Variants in GPR6 observed in about 807,000 individuals in gnomAD.
The protein encoded by GPR6 is G protein-coupled receptor 6.
GPR6 carries 14 observed loss-of-function variants against 18.5 expected under a neutral mutation model. That is an observed-to-expected ratio of 0.76 (90% confidence interval 0.50 to 1.18). The LOEUF (loss-of-function observed/expected upper bound fraction) is 1.18. GPR6 is among the 50% of genes most tolerant of loss of function. GPR6 has a pLI of 0.00. For missense variants in GPR6, 477 were observed against 495.9 expected (o/e 0.96, Z 0.36); for synonymous variants, 299 against 240.9 (o/e 1.24, Z -2.23).
chr6:109,980,001 A>G lies in GPR6; in HGVS notation c.889A>G (p.Ile297Val), dbSNP rs1208974085. 3 of 1,613,416 alleles carry G rather than the reference A, an allele frequency of 1.9e-6. No homozygotes were observed. The highest frequency in any genetic ancestry group is 2.2e-5 in the South Asian group (2 of 91,084). The part of the protein sequence containing the change: ...TFGASWLPFA[I>V]YCVVGSHEDP... Reference sequence around the variant, plus strand: ...CGGCGCCAGCTGGCTGCCCTTCGCCATCTATTGCGTGGTGGGCAGCCATGA... The same window carrying G: ...CGGCGCCAGCTGGCTGCCCTTCGCCGTCTATTGCGTGGTGGGCAGCCATGA... The change falls in exon 2 of 2, where the codon ATC becomes GTC. Residue 297 changes from isoleucine (I) to valine (V), a missense_variant. Physicochemically the swap from Ile to Val is conservative, Grantham distance 29. Coordinates refer to ENST00000275169, the MANE Select transcript of GPR6 (RefSeq NM_005284.5).
Position 109,980,275 on chromosome 6 carries a change from A to C in GPR6, c.*74A>C. ...CCTTTGGTAAGCTCGGTGCCTGCTG[A>C]CGAACTCTGAGATCCCAATGGTGTG... On this transcript the variant is annotated 3_prime_UTR_variant, in exon 2 of 2. Coordinates refer to ENST00000275169, the MANE Select transcript of GPR6 (RefSeq NM_005284.5). The C allele has an allele frequency of 6.3e-7, 1 of 1,584,424 alleles. No homozygotes were observed. The highest frequency in any genetic ancestry group is 8.6e-7 in the Non-Finnish European group (1 of 1,163,852).
In GPR6 at chr6:109,979,669, AC is replaced by A. The variant is rs1771037491; in HGVS notation, c.559del (p.Leu187SerfsTer11). The A allele has an allele frequency of 1.2e-6, 2 of 1,610,558 alleles. No individual in the cohort carries two copies. Among genetic ancestry groups the A allele is most frequent in the Admixed American group, 3.3e-5 (2 of 59,962 alleles). ...YYSRRTLLGV[H>X]LLLAATWTVS... Reference sequence around the variant, plus strand: ...TCGCGCCGGACCCTGTTGGGCGTGCACCTCCTGCTTGCCGCCACTTGGACCG... The same window carrying A: ...TCGCGCCGGACCCTGTTGGGCGTGCACTCCTGCTTGCCGCCACTTGGACCG... On this transcript the variant is annotated frameshift_variant, in exon 2 of 2. Transcript: ENST00000275169. LOFTEE classifies it high-confidence loss of function.
In GPR6 at chr6:109,979,766, G is replaced by A. The variant is rs1247678748; in HGVS notation, c.654G>A (p.Val218=). The change falls in exon 2 of 2, where the codon GTG becomes GTA. Residue 218 remains valine (V), a synonymous_variant. Transcript: ENST00000275169. ...NCLAERAACS[V]VRPLARSHVA... ...TGGCAGAGCGCGCCGCCTGCAGCGTGGTGCGCCCGCTGGCGCGCAGCCACG... is the reference window on the plus strand; with the variant it reads ...TGGCAGAGCGCGCCGCCTGCAGCGTAGTGCGCCCGCTGGCGCGCAGCCACG... The A allele has an allele frequency of 6.3e-7, 1 of 1,599,174 alleles. No homozygotes were observed. The highest frequency in any genetic ancestry group is 8.5e-7 in the Non-Finnish European group (1 of 1,177,152).
chr6:109,978,673 T>C (rs1770998759), intron 1 of GPR6: 4 of 1,451,078 alleles, frequency 2.8e-6, no homozygotes, highest in Non-Finnish European at 3.7e-6. Flanking sequence ...GGCTTCGCAA[T>C]GCCAGAAACT....
chr6:109,980,054 C>G lies in GPR6; in HGVS notation c.942C>G (p.Thr314=), dbSNP rs149642685. 2.9e-5 allele frequency: 46 copies of G among 1,614,012 alleles called. No homozygotes were observed. The highest frequency in any genetic ancestry group is 3.8e-5 in the Non-Finnish European group (45 of 1,180,056). Residue 314 remains threonine (T), a synonymous_variant, in exon 2 of 2, where the codon ACC becomes ACG. Coordinates refer to ENST00000275169, the MANE Select transcript of GPR6 (RefSeq NM_005284.5). ...ACCCGGCGGTCTACACTTACGCCACCCTGCTGCCCGCCACCTACAACTCCA... is the reference window on the plus strand; with the variant it reads ...ACCCGGCGGTCTACACTTACGCCACGCTGCTGCCCGCCACCTACAACTCCA... The part of the protein sequence containing the change: ...HEDPAVYTYA[T]LLPATYNSMI...
At chr6:109,979,032 C>T (rs546597902) in intron 1 of GPR6, 63 bp from the exon 2 acceptor site, 2 of 1,536,522 alleles carry the variant, frequency 1.3e-6, no homozygotes, top group East Asian at 2.3e-5. Flanking sequence ...AGGCTCTACG[C>T]GTGGGGAAGT....
Position 109,980,101 on chromosome 6 carries a change from C to G in GPR6, c.989C>G (p.Ala330Gly), listed in dbSNP as rs775565402. 7 of 1,614,236 alleles carry G rather than the reference C, an allele frequency of 4.3e-6. No homozygotes were observed. The Admixed American group carries it at 1.2e-4, about 27-fold the overall frequency. Residue 330 changes from alanine to glycine, a missense_variant, in exon 2 of 2, where the codon GCC becomes GGC. Coordinates refer to ENST00000275169, the MANE Select transcript of GPR6 (RefSeq NM_005284.5). The part of the protein sequence containing the change: ...YNSMINPIIY[A>G]FRNQEIQRAL... ...TCCATGATCAATCCCATCATCTATG[C>G]CTTCCGCAACCAGGAGATCCAGCGC...
chr6:109,979,313 C>T lies in GPR6; in HGVS notation c.201C>T (p.Leu67=), dbSNP rs779641335. The stretch of plus-strand genomic sequence containing the variant: ...AGCTGTCGGCTGGGCCACCGGGACT[C>T]CTGCTGCCAGCGGTGAATCCGTGGG... ...SSQLSAGPPG[L]LLPAVNPWDV... The change falls in exon 2 of 2, where the codon CTC becomes CTT. Residue 67 remains leucine (L), a synonymous_variant. Coordinates refer to ENST00000275169, the MANE Select transcript of GPR6 (RefSeq NM_005284.5). 6.2e-7 allele frequency: 1 copy of T among 1,613,576 alleles called. No homozygotes were observed. Among genetic ancestry groups the T allele is most frequent in the Non-Finnish European group, 8.5e-7 (1 of 1,179,896 alleles).
Position 109,980,401 on chromosome 6 carries a change from T to C in GPR6, c.*200T>C, listed in dbSNP as rs1771062716. The C allele has an allele frequency of 1.6e-6, 1 of 633,352 alleles. No individual in the cohort carries two copies. The highest frequency in any genetic ancestry group is 2.7e-6 in the Non-Finnish European group (1 of 368,306). 39.2% of individuals were successfully genotyped at this position (633,352 alleles called of 1,614,324 possible). ...TTTACATATACAGTGTATACATGTG[T>C]ACATATATATACAAATATTTGTATC... is the stretch of plus-strand genomic sequence containing the variant. On this transcript the variant is annotated 3_prime_UTR_variant, in exon 2 of 2. Transcript: ENST00000275169.
rs757887770 is a variant in GPR6 at position 109,979,385 on chromosome 6, G to T, written c.273G>T (p.Ala91=). 3.7e-6 allele frequency: 6 copies of T among 1,613,748 alleles called. No homozygotes were observed. The South Asian group carries it at 5.5e-5, about 15-fold the overall frequency. ...GGACAGTGATCGCTGGAGAAAACGC[G>T]CTGGTGGTGGCGCTCATCGCGTCCA... is the stretch of plus-strand genomic sequence containing the variant. ...VSGTVIAGEN[A]LVVALIASTP... Residue 91 remains alanine, a synonymous_variant, in exon 2 of 2, where the codon GCG becomes GCT. Coordinates refer to ENST00000275169, the MANE Select transcript of GPR6 (RefSeq NM_005284.5).
rs375941891 is a variant in GPR6, at chr6:109,979,095, G to C, written c.-18G>C. The C allele has an allele frequency of 4.7e-5, 73 of 1,565,474 alleles. No individual in the cohort carries two copies. The African/African-American group carries it at 9.0e-4, about 19-fold the overall frequency. On this transcript the variant is annotated splice_region_variant and 5_prime_UTR_variant, in exon 2 of 2. Transcript: ENST00000275169. ...ACGCCTGCACTCCCTCCCTATGCAG[G>C]GTGCAAATCCGGCCGCGATGAACGC...
At position 109,979,748 on chromosome 6, in the gene GPR6, G is replaced by A. The variant is rs750172240; in HGVS notation, c.636G>A (p.Glu212=). Reference sequence around the variant, plus strand: ...TGCTGGGCTGGAACTGCCTGGCAGAGCGCGCCGCCTGCAGCGTGGTGCGCC... The same window carrying A: ...TGCTGGGCTGGAACTGCCTGGCAGAACGCGCCGCCTGCAGCGTGGTGCGCC... ...LPVLGWNCLA[E]RAACSVVRPL... is the part of the protein sequence containing the mutation. The change falls in exon 2 of 2, where the codon GAG becomes GAA. Residue 212 remains glutamate (E), a synonymous_variant. Coordinates refer to ENST00000275169, the MANE Select transcript of GPR6 (RefSeq NM_005284.5). 1.2e-6 allele frequency: 2 copies of A among 1,601,460 alleles called. No individual in the cohort carries two copies. Among genetic ancestry groups the A allele is most frequent in the Non-Finnish European group, 1.7e-6 (2 of 1,178,020 alleles).
At position 109,979,389 on chromosome 6, in the gene GPR6, G is replaced by T. The variant is rs1369015301; in HGVS notation, c.277G>T (p.Val93Leu). The T allele has an allele frequency of 6.2e-7, 1 of 1,613,614 alleles. No individual in the cohort carries two copies. The highest frequency in any genetic ancestry group is 8.5e-7 in the Non-Finnish European group (1 of 1,179,986). Residue 93 changes from valine (V) to leucine (L), a missense_variant, in exon 2 of 2, where the codon GTG becomes TTG. Physicochemically the swap from Val to Leu is conservative, Grantham distance 32 (BLOSUM62 1). Coordinates refer to ENST00000275169, the MANE Select transcript of GPR6 (RefSeq NM_005284.5). ...GTVIAGENAL[V>L]VALIASTPAL... ...AGTGATCGCTGGAGAAAACGCGCTG[G>T]TGGTGGCGCTCATCGCGTCCACTCC...
In GPR6 at chr6:109,979,444, T is replaced by C. The variant is rs1432354456; in HGVS notation, c.332T>C (p.Val111Ala). 1 of 1,613,374 alleles carries C rather than the reference T, an allele frequency of 6.2e-7. No homozygotes were observed. The highest frequency in any genetic ancestry group is 8.5e-7 in the Non-Finnish European group (1 of 1,179,994). The change falls in exon 2 of 2, where the codon GTA (valine) becomes GCA (alanine). Residue 111 changes from valine (V) to alanine (A), a missense_variant. By Grantham distance (64) the Val-to-Ala change is moderately conservative (BLOSUM62 0). Transcript: ENST00000275169. ...CTGCGCACGCCCATGTTCGTGCTGG[T>C]AGGCAGCCTGGCCACCGCTGACCTG... is the stretch of plus-strand genomic sequence containing the variant. ...PALRTPMFVLVGSLATADLLA... is the reference protein window; with the variant it reads ...PALRTPMFVLAGSLATADLLA...
Position 109,979,745 on chromosome 6 carries a change from A to T in GPR6, c.633A>T (p.Ala211=). ...CCGTGCTGGGCTGGAACTGCCTGGC[A>T]GAGCGCGCCGCCTGCAGCGTGGTGC... ...LLPVLGWNCL[A]ERAACSVVRP... The change falls in exon 2 of 2, where the codon GCA becomes GCT. Residue 211 remains alanine, a synonymous_variant. Transcript: ENST00000275169. The T allele has an allele frequency of 6.2e-7, 1 of 1,602,148 alleles. No individual in the cohort carries two copies. The highest frequency in any genetic ancestry group is 8.5e-7 in the Non-Finnish European group (1 of 1,178,244).
At position 109,980,511 on chromosome 6, in the gene GPR6, C is replaced by T. The variant is rs780107168; in HGVS notation, c.*310C>T. Reference sequence around the variant, plus strand: ...GGTTGTATACTCAAATTGTACATCACGTTTGTCAAACGAAGACATTCCAAT... The same window carrying T: ...GGTTGTATACTCAAATTGTACATCATGTTTGTCAAACGAAGACATTCCAAT... On this transcript the variant is annotated 3_prime_UTR_variant, in exon 2 of 2. Transcript: ENST00000275169. 2 of 375,118 alleles carry T rather than the reference C, an allele frequency of 5.3e-6. No homozygotes were observed. Among genetic ancestry groups the T allele is most frequent in the African/African-American group, 2.2e-5 (1 of 46,476 alleles). The allele number at this position is 375,118 out of a possible 1,614,324, so 23.2% of individuals were successfully genotyped here.
At position 109,979,437 on chromosome 6, in the gene GPR6, G is replaced by A; in HGVS notation, c.325G>A (p.Val109Met). Residue 109 changes from valine to methionine, a missense_variant, in exon 2 of 2, where the codon GTG becomes ATG. Coordinates refer to ENST00000275169, the MANE Select transcript of GPR6 (RefSeq NM_005284.5). ...STPALRTPMF[V>M]LVGSLATADL... ...TCCGGCGCTGCGCACGCCCATGTTC[G>A]TGCTGGTAGGCAGCCTGGCCACCGC... 1 of 1,613,332 alleles carries A rather than the reference G, an allele frequency of 6.2e-7. No homozygotes were observed.
Position 109,980,608 on chromosome 6 carries a change from G to A in GPR6, c.*407G>A. The A allele has an allele frequency of 4.8e-6, 1 of 207,844 alleles. No individual in the cohort carries two copies. Among genetic ancestry groups the A allele is most frequent in the South Asian group, 1.2e-4 (1 of 8,278 alleles). The allele number at this position is 207,844 out of a possible 1,614,324, so 12.9% of individuals were successfully genotyped here. A position where few individuals can be genotyped will look rare whatever the true frequency, so the allele number is the denominator to read the frequency against. ...CAGTGTTGCCATTTTCAAGGGCAGG[G>A]AAAAGGGAGTAAAAGGTGTATTTTT... On this transcript the variant is annotated 3_prime_UTR_variant, in exon 2 of 2. Coordinates refer to ENST00000275169, the MANE Select transcript of GPR6 (RefSeq NM_005284.5).
intron 1 of GPR6, 60 bp from the exon 2 acceptor site, chr6:109,979,035 G>T (rs1192968850): frequency 1.3e-6 from 2 of 1,536,570 alleles, no homozygotes; most frequent in Non-Finnish European, 1.7e-6. Flanking sequence ...CTCTACGCGT[G>T]GGGAAGTTTC....
Sources: allele counts gnomAD v4.1 joint callset, GRCh38; gene constraint gnomAD v4.1.1; transcripts MANE v1.5; gene names NCBI Gene and HGNC (gene_info 2026-07-23, HGNC 2026-07-21).